STK32B: variants seen among roughly 807,000 people sequenced by gnomAD.
The protein encoded by STK32B is serine/threonine kinase 32B.
A neutral mutation model predicts 52.6 loss-of-function variants in STK32B; 43 were observed. The ratio of observed to expected loss-of-function variants is 0.82; its 90% CI spans 0.64 to 1.05. The LOEUF (loss-of-function observed/expected upper bound fraction) is 1.05. Ranked by LOEUF, STK32B falls within the 50% of genes least tolerant of loss-of-function variation. The probability of loss-of-function intolerance (pLI) is 0.00; values close to 1 mark genes in which losing one functional copy is unlikely to be tolerated. For synonymous variants in STK32B, 238 were observed against 204.3 expected (o/e 1.17, Z -1.41); for missense variants, 621 against 534.6 (o/e 1.16, Z -1.59).
chr4:5,049,975 G>T (rs926799578), upstream of STK32B, among the ~76,000 whole-genome samples: 1 of 152,158 alleles, frequency 6.6e-6, no homozygotes, highest in African/African-American at 2.4e-5. Flanking sequence ...AAGAAACTGA[G>T]TCCAGAACAG....
chr4:5,251,499 A>G (rs1483447392), intron 3 of STK32B, among the ~76,000 whole-genome samples: 11 of 152,084 alleles, frequency 7.2e-5, no homozygotes, highest in Admixed American at 6.5e-5. Flanking sequence ...GTATAGTTTG[A>G]AGTCAGGTAA....
chr4:5,339,486 A>C (rs1231210973), intron 4 of STK32B, among the ~76,000 whole-genome samples: 2 of 152,128 alleles, frequency 1.3e-5, no homozygotes, highest in South Asian at 4.1e-4. Context: ...TCTGAACACA[A>C]CCATGTGTAA....
At chr4:5,061,100 C>T (rs576642419) in intron 1 of STK32B, among the ~76,000 whole-genome samples, 44 of 152,188 alleles carry the variant, frequency 2.9e-4, no homozygotes, top group Non-Finnish European at 5.6e-4. Flanking sequence ...TCCCCTTCTC[C>T]TTACATTATC....
chr4:5,426,548 A>G (rs1016936631), intron 6 of STK32B, among the ~76,000 whole-genome samples: 1 of 152,070 alleles, frequency 6.6e-6, no homozygotes, highest in Non-Finnish European at 1.5e-5. Context: ...CTACTAAAAA[A>G]TACAAAAAAT....
At chr4:5,038,618 C>T in the STK32B span, among the ~76,000 whole-genome samples, 1 of 152,130 alleles carries the variant, frequency 6.6e-6, no homozygotes, top group Admixed American at 6.6e-5. Context: ...GTATCTAAAT[C>T]TATCTAAATA....
At chr4:5,291,821 T>C (rs998246473) in intron 3 of STK32B, among the ~76,000 whole-genome samples, 8 of 152,120 alleles carry the variant, frequency 5.3e-5, no homozygotes, top group Admixed American at 1.3e-4. Flanking sequence ...TTTTCATAGA[T>C]GCCCTTTATT....
At chr4:5,475,264 T>C (rs1018966001) in intron 11 of STK32B, among the ~76,000 whole-genome samples, 1 of 144,710 alleles carries the variant, frequency 6.9e-6, no homozygotes, top group Non-Finnish European at 1.5e-5. Flanking sequence ...ATACTAAAAA[T>C]ACAAAGAAAC....
chr4:5,301,269 G>T (rs1729536825), intron 3 of STK32B, among the ~76,000 whole-genome samples: 1 of 152,006 alleles, frequency 6.6e-6, no homozygotes, highest in Non-Finnish European at 1.5e-5. Flanking sequence ...TTGGTGTCAG[G>T]ATAATGCTTG....
chr4:5,051,947 C>T (rs10222952), intron 1 of STK32B, 32 bp downstream of exon 1: 558,454 of 1,564,322 alleles, frequency 0.36, 102,917 homozygotes, highest in Middle Eastern at 0.49. Flanking sequence ...ATTCCCGCTT[C>T]GCGGGGCATC....
At chr4:5,195,611 T>G (rs1483080992) in intron 3 of STK32B, among the ~76,000 whole-genome samples, 3 of 152,164 alleles carry the variant, frequency 2.0e-5, no homozygotes, top group Admixed American at 2.0e-4. Flanking sequence ...GAGAATCGCT[T>G]GAACCTGGGA....
intron 3 of STK32B, among the ~76,000 whole-genome samples, chr4:5,222,042 C>T (rs1479617956): frequency 1.3e-5 from 2 of 152,118 alleles, no homozygotes; most frequent in Non-Finnish European, 2.9e-5. Flanking sequence ...TAGCATTCCA[C>T]CCCTCTGGAG....
intron 3 of STK32B, among the ~76,000 whole-genome samples, chr4:5,328,641 A>G (rs1732027084): frequency 6.6e-6 from 1 of 152,196 alleles, no homozygotes. Flanking sequence ...TTTATCATAG[A>G]TCACTATAGG....
At chr4:5,154,643 T>C (rs1182019899) in intron 2 of STK32B, among the ~76,000 whole-genome samples, 2 of 152,202 alleles carry the variant, frequency 1.3e-5, no homozygotes, top group Non-Finnish European at 2.9e-5. Context: ...CCTTCCTGTG[T>C]CTGGTGCTCC....
chr4:5,156,656 A>T (rs1419890500), intron 2 of STK32B, among the ~76,000 whole-genome samples: 1 of 152,184 alleles, frequency 6.6e-6, no homozygotes, highest in South Asian at 2.1e-4. Flanking sequence ...GTCTTCTTGG[A>T]TTGGCACGTG....
chr4:5,360,197 A>G (rs1419077196), intron 4 of STK32B, among the ~76,000 whole-genome samples: 2 of 152,194 alleles, frequency 1.3e-5, no homozygotes, highest in Admixed American at 6.5e-5. Context: ...CTCAAAGAAC[A>G]CTTGTCCATT....
intron 1 of STK32B, among the ~76,000 whole-genome samples, chr4:5,086,059 G>A (rs1165198864): frequency 1.3e-4 from 20 of 152,202 alleles, no homozygotes; most frequent in Non-Finnish European, 2.5e-4. Context: ...TCACTGCTGC[G>A]TGAAGTGATA....
At chr4:5,172,121 G>A (rs1719429486) in intron 3 of STK32B, among the ~76,000 whole-genome samples, 1 of 151,842 alleles carries the variant, frequency 6.6e-6, no homozygotes, top group Non-Finnish European at 1.5e-5. Flanking sequence ...TCTGTTGTTG[G>A]TGTATAAGAA....
chr4:5,203,998 G>T (rs566574235), intron 3 of STK32B: 1 of 152,208 alleles, frequency 6.6e-6, no homozygotes, highest in African/African-American at 2.4e-5. Flanking sequence ...AAGTCATAAT[G>T]CATTCTCCAG....
At chr4:5,285,279 G>A (rs79256954) in intron 3 of STK32B, among the ~76,000 whole-genome samples, 3,259 of 151,952 alleles carry the variant, frequency 0.021, 122 homozygotes, top group African/African-American at 0.074. Flanking sequence ...GTGGGGAGGG[G>A]GTTGATGCCT....
Sources: gnomAD v4.1 joint callset for allele counts (sites outside exome capture counted in the v4.1 genomes callset) on GRCh38, gnomAD v4.1.1 for gene constraint, MANE v1.5 for transcripts, NCBI Gene and HGNC (gene_info 2026-07-23, HGNC 2026-07-21) for gene names.